PRKN: variants seen among roughly 807,000 people sequenced by gnomAD.
PRKN encodes parkin RBR E3 ubiquitin protein ligase.
Under a neutral mutation model 59.5 loss-of-function variants are expected in PRKN, and 56 were observed. The ratio of observed to expected loss-of-function variants is 0.94; its 90% confidence interval spans 0.76 to 1.18. The LOEUF (loss-of-function observed/expected upper bound fraction) is 1.18, where lower values mean the gene tolerates loss of function less well. Ranked by LOEUF, PRKN falls within the 50% of genes most tolerant of loss-of-function variation. The pLI, the probability that PRKN is intolerant of heterozygous loss-of-function variation, is 0.00. For synonymous variants in PRKN, 250 were observed against 222.1 expected, an observed-to-expected ratio of 1.13 and a Z score of -1.12; for missense variants, 657 against 596.4, an observed-to-expected ratio of 1.10 and a Z score of -1.06.
intron 1 of PRKN, among the ~76,000 whole-genome samples, chr6:162,606,724 T>C (rs1010228566): frequency 6.6e-6 from 1 of 152,110 alleles, no homozygotes; most frequent in African/African-American, 2.4e-5. Context: ...AGTATAGTTA[T>C]TTATTATTTT....
chr6:161,373,996 ATTTTAT>A lies in PRKN; in HGVS notation c.1167+12792_1167+12797del, dbSNP rs1300727222. On this transcript the variant is annotated intron_variant, in intron 10 of 11. Coordinates refer to ENST00000366898, the MANE Select transcript of PRKN (RefSeq NM_004562.3). This position sits in a 1 kb window ranked among gnomAD's most constrained non-coding sequence, Gnocchi z 4.8. ...CGTTCACTCCCTTTTCCCCCAGGTC[ATTTTAT>A]TTTTGTTTCTGGACAAATCCAGCAT... Among the ~76,000 whole-genome samples the A allele has an allele frequency of 1.3e-5, 2 of 151,922 alleles. No individual in the cohort carries two copies. Among genetic ancestry groups the A allele is most frequent in the African/African-American group, 4.8e-5 (2 of 41,346 alleles).
intron 5 of PRKN, among the ~76,000 whole-genome samples, chr6:162,003,366 T>C (rs867308036): frequency 2.0e-5 from 3 of 152,124 alleles, no homozygotes; most frequent in Admixed American, 6.6e-5. Flanking sequence ...TTCTGAATTT[T>C]TGTATATTGT....
intron 6 of PRKN, among the ~76,000 whole-genome samples, chr6:161,859,194 G>A (rs1003079597): frequency 1.3e-5 from 2 of 151,890 alleles, no homozygotes; most frequent in Non-Finnish European, 2.9e-5. Flanking sequence ...GACTAAGTAA[G>A]GCTTCCGTAA....
At chr6:161,350,975 ATATATTTTATATATTTATATTTAAAAT>A (rs1417495434) in intron 11 of PRKN, among the ~76,000 whole-genome samples, 2 of 44,306 alleles carry the variant, frequency 4.5e-5, no homozygotes, top group African/African-American at 2.0e-4. Flanking sequence ...ATATATATAA[ATATATTTTATATATTTATATTTAAAAT>A]ATATATAAAT....
intron 2 of PRKN, among the ~76,000 whole-genome samples, chr6:162,276,281 T>C (rs547744168): frequency 1.3e-5 from 2 of 152,258 alleles, no homozygotes; most frequent in Middle Eastern, 3.4e-3. Flanking sequence ...GTCACATAAT[T>C]ACTCATTATT....
Position 161,874,970 on chromosome 6 carries a change from A to T in PRKN, c.735-89062T>A, listed in dbSNP as rs1479207300. On this transcript the variant is annotated intron_variant, in intron 6 of 11. Transcript: ENST00000366898. ...TATAGGTACTTTATATATAATATAT[A>T]ATTTATTATATTATATACTTTATAT... is the stretch of plus-strand genomic sequence containing the variant. Among the ~76,000 whole-genome samples, 52 of 75,686 alleles carry T rather than the reference A, an allele frequency of 6.9e-4. 1 individual carries two copies. Among genetic ancestry groups the T allele is most frequent in the Admixed American group, 1.7e-4 (1 of 5,932 alleles). The allele number at this position is 75,686 out of a possible 152,430, so 49.7% of individuals were successfully genotyped here.
intron 9 of PRKN, among the ~76,000 whole-genome samples, chr6:161,439,603 C>T (rs912670839): frequency 6.6e-6 from 1 of 152,158 alleles, no homozygotes; most frequent in African/African-American, 2.4e-5. Context: ...TCCTCTCTCC[C>T]GTGATGAAGC....
At chr6:162,633,277 T>C (rs1323800162) in intron 1 of PRKN, among the ~76,000 whole-genome samples, 1 of 151,292 alleles carries the variant, frequency 6.6e-6, no homozygotes, top group Non-Finnish European at 1.5e-5. Flanking sequence ...CTACTAAAAA[T>C]ACAAAAAATT....
At chr6:162,398,130 T>C (rs1020385391) in intron 2 of PRKN, among the ~76,000 whole-genome samples, 2 of 151,994 alleles carry the variant, frequency 1.3e-5, no homozygotes, top group African/African-American at 4.8e-5. Context: ...AAAAGTTCTA[T>C]TTAACACTTG....
intron 2 of PRKN, among the ~76,000 whole-genome samples, chr6:162,425,198 A>G (rs1446742391): frequency 1.3e-5 from 2 of 152,200 alleles, no homozygotes; most frequent in Non-Finnish European, 2.9e-5. Flanking sequence ...CTATTTATAT[A>G]GTCCATTTTT....
rs3016546 is a variant in PRKN, at chr6:161,806,986, G to A, written c.735-21078C>T. Among the ~76,000 whole-genome samples the A allele has an allele frequency of 2.5e-3, 374 of 152,268 alleles. 9 individuals are homozygous for A. In the East Asian group the frequency reaches 0.053, roughly 21 times the overall value. ...AGCTCCATCTGAACCTAATGAGGATGGTAGTTACCGATTTCCAAAAAGGTT... is the reference window on the plus strand; with the variant it reads ...AGCTCCATCTGAACCTAATGAGGATAGTAGTTACCGATTTCCAAAAAGGTT... On this transcript the variant is annotated intron_variant, in intron 6 of 11. Coordinates refer to ENST00000366898, the MANE Select transcript of PRKN (RefSeq NM_004562.3).
At chr6:161,389,061 C>T (rs1786390550) in intron 9 of PRKN, among the ~76,000 whole-genome samples, 1 of 152,094 alleles carries the variant, frequency 6.6e-6, no homozygotes, top group Non-Finnish European at 1.5e-5. Context: ...AGGAATTTAG[C>T]CTAATTTTGC....
At chr6:162,304,966 C>T (rs1057164602) in intron 2 of PRKN, among the ~76,000 whole-genome samples, 1 of 152,128 alleles carries the variant, frequency 6.6e-6, no homozygotes, top group Non-Finnish European at 1.5e-5. Context: ...AGGGCCACTC[C>T]CAACCCATCT....
intron 3 of PRKN, among the ~76,000 whole-genome samples, chr6:162,218,292 G>A (rs1399470263): frequency 1.3e-5 from 2 of 152,180 alleles, no homozygotes; most frequent in African/African-American, 4.8e-5. Flanking sequence ...ACTCCTGTGT[G>A]CAGCCTGTGT....
At chr6:162,486,468 A>G (rs2128183665) in intron 1 of PRKN, among the ~76,000 whole-genome samples, 1 of 152,280 alleles carries the variant, frequency 6.6e-6, no homozygotes, top group Non-Finnish European at 1.5e-5. Flanking sequence ...GGGCCATTCC[A>G]GTTGTCTCTG....
At position 162,058,236 on chromosome 6, in the gene PRKN, C is replaced by T. The variant is rs181113317; in HGVS notation, c.535-4062G>A. On this transcript the variant is annotated intron_variant, in intron 4 of 11. Transcript: ENST00000366898. Reference sequence around the variant, plus strand: ...ATTACTTTCCTTTGATCCCTTTCCTCATCTAATTTAATTTTTCCTGGTTTT... The same window carrying T: ...ATTACTTTCCTTTGATCCCTTTCCTTATCTAATTTAATTTTTCCTGGTTTT... 2.6e-5 allele frequency among the ~76,000 whole-genome samples: 4 copies of T among 152,338 alleles called. No homozygotes were observed. The East Asian group carries it at 7.7e-4, about 29-fold the overall frequency.
At chr6:161,946,412 A>T (rs575917422) in intron 6 of PRKN, among the ~76,000 whole-genome samples, 132 of 94,262 alleles carry the variant, frequency 1.4e-3, no homozygotes, top group African/African-American at 4.0e-3. Flanking sequence ...ACACACACAC[A>T]CACTCTCTCT....
At chr6:161,452,376 T>C (rs1789777878) in intron 9 of PRKN, among the ~76,000 whole-genome samples, 1 of 152,222 alleles carries the variant, frequency 6.6e-6, no homozygotes, top group Non-Finnish European at 1.5e-5. Context: ...TCTGAAAGGC[T>C]TTGATACTGT....
chr6:161,859,021 C>G (rs568038877), intron 6 of PRKN, among the ~76,000 whole-genome samples: 1 of 151,416 alleles, frequency 6.6e-6, no homozygotes, highest in Non-Finnish European at 1.5e-5. Flanking sequence ...AGGTGCCCAC[C>G]AACATACCCA....
Sources: gnomAD v4.1 joint callset for allele counts (sites outside exome capture counted in the v4.1 genomes callset) on GRCh38, gnomAD v4.1.1 for gene constraint, Gnocchi (gnomAD v3.1) non-coding constraint, MANE v1.5 for transcripts, NCBI Gene and HGNC (gene_info 2026-07-23, HGNC 2026-07-21) for gene names.